Variants in MEF2A observed in about 807,000 individuals in gnomAD.
MEF2A encodes myocyte enhancer factor 2A, also known as myocyte-specific enhancer factor 2A.
Under a neutral mutation model 55.8 loss-of-function variants are expected in MEF2A, and 28 were observed. That is an observed-to-expected ratio of 0.50 (90% CI 0.37 to 0.69). MEF2A has a LOEUF of 0.69. MEF2A is among the 30% of genes least tolerant of loss of function. The pLI, the probability that MEF2A is intolerant of heterozygous loss-of-function variation, is 0.00. For missense variants in MEF2A, 528 were observed against 626.2 expected (o/e 0.84, Z 1.67); for synonymous variants, 239 against 227.1 (o/e 1.05, Z -0.47).
At chr15:99,605,325 A>G (rs769896086) in intron 2 of MEF2A, among the ~76,000 whole-genome samples, 26 of 152,320 alleles carry the variant, frequency 1.7e-4, no homozygotes, top group South Asian at 8.3e-4. Flanking sequence ...TTAAGGACAA[A>G]TGATTACCAA....
chr15:99,626,747 T>TTATA (rs1486596921), intron 2 of MEF2A, among the ~76,000 whole-genome samples: 2 of 152,180 alleles, frequency 1.3e-5, no homozygotes, highest in Non-Finnish European at 2.9e-5. Flanking sequence ...ATTAACATCT[T>TTATA]TATAAAGTTG....
At chr15:99,600,563 T>C (rs2153064610) in intron 2 of MEF2A, among the ~76,000 whole-genome samples, 1 of 152,282 alleles carries the variant, frequency 6.6e-6, no homozygotes, top group African/African-American at 2.4e-5. Context: ...CAGTGATCCA[T>C]TTTGAATTAA....
At chr15:99,597,770 C>T (rs1018472424) in intron 1 of MEF2A, among the ~76,000 whole-genome samples, 9 of 151,804 alleles carry the variant, frequency 5.9e-5, no homozygotes, top group East Asian at 1.9e-4. Context: ...TCAAGCTGGC[C>T]GACGCTTAAG....
chr15:99,654,145 A>G (rs1344461148), intron 4 of MEF2A, among the ~76,000 whole-genome samples: 2 of 152,120 alleles, frequency 1.3e-5, no homozygotes, highest in African/African-American at 4.8e-5. Flanking sequence ...GGTCTCTTAT[A>G]AACCTATCAG....
rs995635839 is a variant in MEF2A, at chr15:99,566,041, C to T, written c.-288C>T. ...CTGAAAGAGGCGGCTCCGGGCGGCG[C>T]GAAGCGCTGGTGGCGGGCCCGGGCT... On this transcript the variant is annotated 5_prime_UTR_variant, in exon 1 of 12. Coordinates refer to ENST00000557942, the MANE Select transcript of MEF2A (RefSeq NM_001319206.4). 6.6e-6 allele frequency: 1 copy of T among 152,376 alleles called. No individual in the cohort carries two copies. The highest frequency in any genetic ancestry group is 2.4e-5 in the African/African-American group (1 of 41,434). 9.4% of individuals were successfully genotyped at this position (152,376 alleles called of 1,614,324 possible).
chr15:99,604,062 C>G (rs138033667), intron 2 of MEF2A, among the ~76,000 whole-genome samples: 1 of 152,198 alleles, frequency 6.6e-6, no homozygotes, highest in East Asian at 1.9e-4. Context: ...CCTTTTGTTC[C>G]CAGTATGTAA....
At position 99,710,690 on chromosome 15, in the gene MEF2A, A is replaced by G; in HGVS notation, c.1066A>G (p.Met356Val). 2.5e-6 allele frequency: 4 copies of G among 1,613,666 alleles called. No homozygotes were observed. Among genetic ancestry groups the G allele is most frequent in the Non-Finnish European group, 3.4e-6 (4 of 1,179,548 alleles). Residue 356 changes from methionine (M) to valine (V), a missense_variant, in exon 11 of 12, where the codon ATG becomes GTG. Transcript: ENST00000557942. ...SALQGFNSPGMLSLGQVSAWQ... is the reference protein window; with the variant it reads ...SALQGFNSPGVLSLGQVSAWQ... ...CCTTCAAGGCTTCAACTCGCCAGGA[A>G]TGCTGTCGCTGGGACAGGTGTCGGC...
chr15:99,617,329 G>A (rs2040378084), intron 2 of MEF2A, among the ~76,000 whole-genome samples: 1 of 148,032 alleles, frequency 6.8e-6, no homozygotes, highest in African/African-American at 2.5e-5. Flanking sequence ...CTAGCTTTCT[G>A]TATCATCTGG....
chr15:99,637,506 T>C (rs1298335517), intron 3 of MEF2A, among the ~76,000 whole-genome samples: 1 of 152,252 alleles, frequency 6.6e-6, no homozygotes, highest in East Asian at 1.9e-4. Context: ...AATTGCTAGA[T>C]GACATGGTAA....
chr15:99,662,846 G>A (rs1006293022), intron 4 of MEF2A, among the ~76,000 whole-genome samples: 3 of 152,158 alleles, frequency 2.0e-5, no homozygotes, highest in South Asian at 2.1e-4. Context: ...CTACTTAGCC[G>A]GTGTTTATGG....
intron 4 of MEF2A, among the ~76,000 whole-genome samples, chr15:99,656,802 G>A (rs1389698274): frequency 6.6e-6 from 1 of 152,072 alleles, no homozygotes; most frequent in African/African-American, 2.4e-5. Context: ...TCTTTTAAAT[G>A]AGATATAATT....
chr15:99,622,702 C>CTTTTTTTTTT lies in MEF2A; in HGVS notation c.-142-10274_-142-10265dup, dbSNP rs56054040. ...ATCCTTCTTTAGGATGTTTTCTTTT[C>CTTTTTTTTTT]TTTTTTTTTTTCTTTTTTGAGATGG... On this transcript the variant is annotated intron_variant, in intron 2 of 11. Transcript: ENST00000557942. 4.1e-4 allele frequency among the ~76,000 whole-genome samples: 55 copies of CTTTTTTTTTT among 135,698 alleles called. 4 individuals are homozygous for CTTTTTTTTTT. Among genetic ancestry groups the CTTTTTTTTTT allele is most frequent in the Admixed American group, 5.4e-4 (7 of 13,032 alleles). The allele number at this position is 135,698 out of a possible 152,430, so 89.0% of individuals were successfully genotyped here.
intron 1 of MEF2A, among the ~76,000 whole-genome samples, chr15:99,594,753 T>A (rs1970593441): frequency 6.6e-6 from 1 of 152,118 alleles, no homozygotes; most frequent in Non-Finnish European, 1.5e-5. Context: ...ATTATTTCTA[T>A]CTGTGTGATT....
intron 8 of MEF2A, among the ~76,000 whole-genome samples, chr15:99,701,036 C>G (rs1185624063): frequency 6.6e-6 from 1 of 152,164 alleles, no homozygotes; most frequent in Non-Finnish European, 1.5e-5. Context: ...CAGGCAAAGT[C>G]AGTGGATAAA....
At chr15:99,674,350 A>C (rs1199619936) in intron 5 of MEF2A, 43 bp from the exon 6 acceptor site, 5 of 1,540,912 alleles carry the variant, frequency 3.2e-6, no homozygotes, top group Non-Finnish European at 4.4e-6. Flanking sequence ...TTGTAGATGA[A>C]TACGAAACCA....
chr15:99,657,111 G>C (rs1380499082), intron 4 of MEF2A, among the ~76,000 whole-genome samples: 1 of 152,020 alleles, frequency 6.6e-6, no homozygotes, highest in Non-Finnish European at 1.5e-5. Flanking sequence ...AGGTCCATCC[G>C]TATGGTAGCT....
At chr15:99,583,985 GCCTATTGCTC>G (rs1966659683) in intron 1 of MEF2A, among the ~76,000 whole-genome samples, 2 of 152,118 alleles carry the variant, frequency 1.3e-5, no homozygotes, top group Non-Finnish European at 2.9e-5. Flanking sequence ...ATTTGGTATA[GCCTATTGCTC>G]CTAGTCTACA....
rs1393749504 is a variant in MEF2A, at chr15:99,613,092, A to G, written c.-143+14581A>G. Reference sequence around the variant, plus strand: ...GCTACTTCACTCTTGTACATAGCCAATCAGTGTTTGAATAAAGAGTGTAAT... The same window carrying G: ...GCTACTTCACTCTTGTACATAGCCAGTCAGTGTTTGAATAAAGAGTGTAAT... On this transcript the variant is annotated intron_variant, in intron 2 of 11. Coordinates refer to ENST00000557942, the MANE Select transcript of MEF2A (RefSeq NM_001319206.4). 2.0e-5 allele frequency among the ~76,000 whole-genome samples: 3 copies of G among 152,194 alleles called. No individual in the cohort carries two copies. The East Asian group carries it at 5.8e-4, about 29-fold the overall frequency.
At chr15:99,569,302 TG>T (rs1386666898) in intron 1 of MEF2A, among the ~76,000 whole-genome samples, 1 of 152,240 alleles carries the variant, frequency 6.6e-6, no homozygotes, top group African/African-American at 2.4e-5. Flanking sequence ...CTGATCTCCC[TG>T]CATCCCTTCT....
Sources: allele counts gnomAD v4.1 joint callset (sites outside exome capture counted in the v4.1 genomes callset), GRCh38; gene constraint gnomAD v4.1.1; transcripts MANE v1.5; gene names NCBI Gene and HGNC (gene_info 2026-07-23, HGNC 2026-07-21).